ARHGEF3: variants seen among roughly 807,000 people sequenced by gnomAD.
ARHGEF3 encodes the protein 59.8 kDA protein.
Under a neutral mutation model 63.2 loss-of-function variants are expected in ARHGEF3, and 28 were observed. The ratio of observed to expected loss-of-function variants is 0.44; its 90% CI spans 0.33 to 0.61. The LOEUF is 0.61. Ranked by LOEUF, ARHGEF3 falls within the 20% of genes least tolerant of loss-of-function variation. ARHGEF3 has a pLI of 0.03. For missense variants in ARHGEF3, 533 were observed against 659.3 expected, an observed-to-expected ratio of 0.81 and a Z score of 2.10; for synonymous variants, 266 against 254.2, an observed-to-expected ratio of 1.05 and a Z score of -0.44.
At chr3:56,902,653 A>G (rs1875283) in intron 3 of ARHGEF3, among the ~76,000 whole-genome samples, 5,031 of 152,336 alleles carry the variant, frequency 0.033, 317 homozygotes, top group East Asian at 0.22. Flanking sequence ...AAGCGGGCAC[A>G]TGGCCCTTCT....
intron 3 of ARHGEF3, among the ~76,000 whole-genome samples, chr3:56,924,811 T>C (rs905642756): frequency 1.3e-5 from 2 of 152,208 alleles, no homozygotes; most frequent in African/African-American, 4.8e-5. Flanking sequence ...ACCTCCTATC[T>C]CATCTTGTGA....
At chr3:57,056,501 G>T (rs1704944320) in intron 1 of ARHGEF3, among the ~76,000 whole-genome samples, 1 of 151,812 alleles carries the variant, frequency 6.6e-6, no homozygotes, top group Non-Finnish European at 1.5e-5. Context: ...CTAAGAGAAG[G>T]GGCAAAAGTG....
chr3:57,057,708 T>C (rs1333978143), intron 1 of ARHGEF3, among the ~76,000 whole-genome samples: 1 of 152,206 alleles, frequency 6.6e-6, no homozygotes, highest in Non-Finnish European at 1.5e-5. Flanking sequence ...ATCATACAAT[T>C]TGAGTGGTCA....
intron 2 of ARHGEF3, among the ~76,000 whole-genome samples, chr3:56,993,942 T>C (rs758323206): frequency 2.7e-5 from 4 of 150,794 alleles, no homozygotes; most frequent in Non-Finnish European, 4.4e-5. Context: ...TGGGTGCCTG[T>C]AATCCCAGCT....
chr3:57,008,731 C>G (rs1461731866), intron 2 of ARHGEF3, among the ~76,000 whole-genome samples: 1 of 152,144 alleles, frequency 6.6e-6, no homozygotes, highest in African/African-American at 2.4e-5. Flanking sequence ...CTCAGCCTCC[C>G]AAAGTGCTGG....
intron 2 of ARHGEF3, among the ~76,000 whole-genome samples, chr3:56,965,446 A>T (rs1448103565): frequency 6.6e-6 from 1 of 152,156 alleles, no homozygotes; most frequent in Non-Finnish European, 1.5e-5. Flanking sequence ...CAGACAGTTT[A>T]ACTAATGGAT....
intron 2 of ARHGEF3, among the ~76,000 whole-genome samples, chr3:57,014,468 A>T (rs554847039): frequency 5.3e-5 from 8 of 152,210 alleles, no homozygotes; most frequent in African/African-American, 1.9e-4. Context: ...AATATGTGGT[A>T]TAATTCTATT....
intron 2 of ARHGEF3, among the ~76,000 whole-genome samples, chr3:57,010,771 C>T (rs1028022403): frequency 1.3e-5 from 2 of 152,052 alleles, no homozygotes; most frequent in African/African-American, 4.8e-5. Context: ...AGGCCTGAAT[C>T]ATGGGGAGAC....
intron 4 of ARHGEF3, among the ~76,000 whole-genome samples, chr3:56,838,070 A>T (rs1048899918): frequency 1.1e-4 from 16 of 152,296 alleles, no homozygotes; most frequent in African/African-American, 3.6e-4. Context: ...CCTATTTTTT[A>T]AAAATAAAAA....
At chr3:56,899,805 G>C (rs1040491962) in intron 3 of ARHGEF3, among the ~76,000 whole-genome samples, 5 of 152,174 alleles carry the variant, frequency 3.3e-5, no homozygotes, top group Admixed American at 3.3e-4. Context: ...TGAGATGACT[G>C]AAAAGGGACG....
At chr3:56,965,688 G>A (rs769746685) in intron 2 of ARHGEF3, among the ~76,000 whole-genome samples, 5 of 135,214 alleles carry the variant, frequency 3.7e-5, no homozygotes, top group South Asian at 2.3e-4. Context: ...TCGCTCTGTC[G>A]CCCAGGCTGG....
intron 2 of ARHGEF3, among the ~76,000 whole-genome samples, chr3:57,015,232 T>C (rs1287076095): frequency 6.6e-6 from 1 of 152,156 alleles, no homozygotes; most frequent in Non-Finnish European, 1.5e-5. Context: ...GGTAACACTA[T>C]ACCCCGTTTC....
intron 1 of ARHGEF3, among the ~76,000 whole-genome samples, chr3:57,046,337 G>A (rs1008823973): frequency 1.3e-5 from 2 of 152,150 alleles, no homozygotes; most frequent in Non-Finnish European, 2.9e-5. Context: ...TCTGACTCCC[G>A]GGTCCAGACC....
At chr3:56,853,861 C>T (rs186301509) in intron 4 of ARHGEF3, among the ~76,000 whole-genome samples, 27 of 152,188 alleles carry the variant, frequency 1.8e-4, no homozygotes, top group African/African-American at 5.8e-4. Flanking sequence ...GGGGTCACCT[C>T]TGTTTGAGGG....
At chr3:56,761,169 G>A (rs562286803) in intron 2 of ARHGEF3, among the ~76,000 whole-genome samples, 53 of 152,136 alleles carry the variant, frequency 3.5e-4, no homozygotes, top group Non-Finnish European at 7.2e-4. Flanking sequence ...GTCTGGCCCC[G>A]GGGAAAAGGG....
rs1364177322 is a variant in ARHGEF3 at position 56,958,894 on chromosome 3, A to G, written c.63-5T>C. ...TTTTGCCGCTGCCGTTTAGGCCTAG[A>G]AGAGAAAAGACAATGTATTCATTAT... is the stretch of plus-strand genomic sequence containing the variant. On this transcript the variant is annotated splice_region_variant and splice_polypyrimidine_tract_variant and intron_variant, in intron 2 of 12. Transcript: ENST00000338458. 13 of 1,549,624 alleles carry G rather than the reference A, an allele frequency of 8.4e-6. No homozygotes were observed. In the Admixed American group the frequency reaches 2.5e-4, roughly 30 times the overall value.
At chr3:56,761,336 C>T (rs1171052686) in intron 2 of ARHGEF3, among the ~76,000 whole-genome samples, 1 of 151,980 alleles carries the variant, frequency 6.6e-6, no homozygotes, top group African/African-American at 2.4e-5. Context: ...CAGGCAACTA[C>T]TACTAGAAGA....
chr3:56,961,434 C>A (rs1179287695), intron 2 of ARHGEF3, among the ~76,000 whole-genome samples: 1 of 152,144 alleles, frequency 6.6e-6, no homozygotes, highest in Non-Finnish European at 1.5e-5. Flanking sequence ...CCAGAGGATG[C>A]AGTCCCTCTC....
chr3:56,901,689 TC>T (rs2041515360), intron 3 of ARHGEF3, among the ~76,000 whole-genome samples: 1 of 151,816 alleles, frequency 6.6e-6, no homozygotes, highest in Admixed American at 6.6e-5. Context: ...GCTCATGTGA[TC>T]CTTCCTCCTC....
Sources: allele counts gnomAD v4.1 joint callset (sites outside exome capture counted in the v4.1 genomes callset), GRCh38; gene constraint gnomAD v4.1.1; transcripts MANE v1.5; gene names NCBI Gene and HGNC (gene_info 2026-07-23, HGNC 2026-07-21).